Variants in PLA2G6 observed in about 807,000 individuals in gnomAD.
The protein encoded by PLA2G6 is 85/88 kDa calcium-independent phospholipase A2.
A neutral mutation model predicts 83.8 loss-of-function variants in PLA2G6; 62 were observed. The observed-to-expected ratio is 0.74, with a 90% confidence interval of 0.60 to 0.91. The LOEUF (loss-of-function observed/expected upper bound fraction) is 0.91. Ranked by LOEUF, PLA2G6 falls within the 40% of genes least tolerant of loss-of-function variation. PLA2G6 has a pLI of 0.00. For synonymous variants in PLA2G6, 417 were observed against 449.8 expected (o/e 0.93, Z 0.92); for missense variants, 944 against 1,102.0 (o/e 0.86, Z 2.03).
chr22:38,121,006 G>T (rs755719764), intron 11 of PLA2G6, 97 bp from the exon 12 acceptor site: 1 of 1,459,804 alleles, frequency 6.9e-7, no homozygotes, highest in Non-Finnish European at 9.4e-7. Flanking sequence ...GAGGTGGCAG[G>T]AGGAAGCGGG....
At chr22:38,134,111 C>T (rs1297572552) in intron 6 of PLA2G6, 1 of 152,184 alleles carries the variant, frequency 6.6e-6, no homozygotes, top group Non-Finnish European at 1.5e-5. Context: ...GGCTTAGCCT[C>T]CCAGCCTACA....
chr22:38,171,325 T>C (rs132998), intron 1 of PLA2G6, among the ~76,000 whole-genome samples: 16,909 of 152,128 alleles, frequency 0.11, 1,105 homozygotes, highest in African/African-American at 0.16. Context: ...AATCCAAGCT[T>C]GGTTCTCGTG....
intron 2 of PLA2G6, chr22:38,145,896 C>T (rs1205762326): frequency 1.7e-5 from 9 of 518,780 alleles, no homozygotes; most frequent in East Asian, 3.6e-5. Flanking sequence ...TTTTTAGAGA[C>T]AAGGTCTTGC....
chr22:38,146,177 A>C, intron 2 of PLA2G6: 3 of 175,486 alleles, frequency 1.7e-5, no homozygotes, highest in South Asian at 1.2e-4. Context: ...CTGGGATTAA[A>C]GGCGTGTGCT....
At position 38,116,228 on chromosome 22, in the gene PLA2G6, CA is replaced by C. The variant is rs1415623664; in HGVS notation, c.1743-18del. On this transcript the variant is annotated intron_variant, in intron 12 of 16. Coordinates refer to ENST00000332509, the MANE Select transcript of PLA2G6 (RefSeq NM_003560.4). ...AGCATCACCCTGGAGAGAAATGAGG[CA>C]GGAGGACGGCTGAGCCACCCGCCCA... 6.2e-7 allele frequency: 1 copy of C among 1,613,796 alleles called. No homozygotes were observed.
Position 38,112,010 on chromosome 22 carries a change from C to A in PLA2G6, c.*151G>T. 2.3e-6 allele frequency: 2 copies of A among 878,646 alleles called. No individual in the cohort carries two copies. The highest frequency in any genetic ancestry group is 3.6e-6 in the Non-Finnish European group (2 of 551,710). 54.4% of individuals were successfully genotyped at this position (878,646 alleles called of 1,614,324 possible). ...TGGGAGACAGGCCTTCAGGACCAGC[C>A]TCGGGCAGGCAGCTTGGCATTCTCC... On this transcript the variant is annotated 3_prime_UTR_variant, in exon 17 of 17. Transcript: ENST00000332509.
intron 5 of PLA2G6, chr22:38,137,240 A>C (rs2088612012): frequency 6.6e-6 from 1 of 152,386 alleles, no homozygotes; most frequent in Non-Finnish European, 1.5e-5. Context: ...AGCACTAGGC[A>C]CATGGAGTCA....
intron 2 of PLA2G6, chr22:38,148,268 G>C (rs948031597): frequency 2.0e-6 from 1 of 489,506 alleles, no homozygotes; most frequent in South Asian, 2.1e-5. Context: ...TTTTGCTGTG[G>C]TGAGGAGCAA....
At position 38,145,483 on chromosome 22, in the gene PLA2G6, A is replaced by C; in HGVS notation, c.380T>G (p.Val127Gly). Residue 127 changes from valine to glycine, a missense_variant, in exon 3 of 17, where the codon GTG becomes GGG. By Grantham distance (109) the Val-to-Gly change is moderately radical. Transcript: ENST00000332509. ...HPSWSVAHLA[V>G]ELGIRECFHH... is the part of the protein sequence containing the mutation. ...GAAGCACTCGCGGATCCCTAGCTCC[A>C]CAGCCAGGTGGGCCACTGACCAGCT... 6.2e-7 allele frequency: 1 copy of C among 1,612,338 alleles called. No homozygotes were observed. The highest frequency in any genetic ancestry group is 8.5e-7 in the Non-Finnish European group (1 of 1,179,556).
At chr22:38,169,610 A>C (rs895903252) in intron 1 of PLA2G6, 139 bp from the exon 2 acceptor site, 5 of 632,732 alleles carry the variant, frequency 7.9e-6, no homozygotes, top group African/African-American at 1.8e-5. Flanking sequence ...AGGGATCTTA[A>C]AAGGAGGGGA....
At chr22:38,168,417 T>C (rs2090304588) in intron 2 of PLA2G6, among the ~76,000 whole-genome samples, 1 of 152,218 alleles carries the variant, frequency 6.6e-6, no homozygotes, top group Non-Finnish European at 1.5e-5. Flanking sequence ...GTTGGCCCGG[T>C]TCCCTCAGGC....
intron 8 of PLA2G6, 126 bp downstream of exon 8, chr22:38,129,328 G>A: frequency 1.4e-6 from 1 of 732,528 alleles, no homozygotes; most frequent in South Asian, 1.5e-5. Flanking sequence ...AGGTGCTCCT[G>A]GCAGCTCTGA....
chr22:38,140,198 C>T (rs374315540), intron 4 of PLA2G6, 29 bp from the exon 5 acceptor site: 74 of 1,605,908 alleles, frequency 4.6e-5, no homozygotes, highest in Non-Finnish European at 6.1e-5. Flanking sequence ...AAGTTTGACT[C>T]CATAGGATGC....
chr22:38,176,033 C>T (rs1360778945), intron 1 of PLA2G6, among the ~76,000 whole-genome samples: 1 of 152,164 alleles, frequency 6.6e-6, no homozygotes, highest in Non-Finnish European at 1.5e-5. Flanking sequence ...CTCCTCTCCA[C>T]AACGGATAGG....
Position 38,128,027 on chromosome 22 carries a change from G to A in PLA2G6, c.1348+242C>T. 3.6e-6 allele frequency: 2 copies of A among 559,660 alleles called. No individual in the cohort carries two copies. Among genetic ancestry groups the A allele is most frequent in the Non-Finnish European group, 6.4e-6 (2 of 312,254 alleles). The allele number at this position is 559,660 out of a possible 1,614,324, so 34.7% of individuals were successfully genotyped here. The stretch of plus-strand genomic sequence containing the variant: ...GGTGCCACTGGAAATGCCCAGGCCT[G>A]AGACTGTGTGCAGGACACATCCTCT... On this transcript the variant is annotated intron_variant, in intron 9 of 16. Coordinates refer to ENST00000332509, the MANE Select transcript of PLA2G6 (RefSeq NM_003560.4). This position sits in a 1 kb window ranked among gnomAD's most constrained non-coding sequence, Gnocchi z 4.4.
intron 2 of PLA2G6, chr22:38,148,113 A>G (rs1464310906): frequency 4.6e-6 from 1 of 219,322 alleles, no homozygotes; most frequent in Non-Finnish European, 9.3e-6. Flanking sequence ...CTGAAAACTC[A>G]TCACTGGAAT....
At chr22:38,120,492 C>CGGCAGGGCAGAGCCG (rs1291131519) in intron 12 of PLA2G6, among the ~76,000 whole-genome samples, 154 of 150,908 alleles carry the variant, frequency 1.0e-3, no homozygotes, top group Non-Finnish European at 1.6e-3. Context: ...AGGGCAGAGC[C>CGGCAGGGCAGAGCCG]GGCAGGGCAG....
At position 38,129,559 on chromosome 22, in the gene PLA2G6, C is replaced by T. The variant is rs2088081770; in HGVS notation, c.1081G>A (p.Asp361Asn). 2.5e-6 allele frequency: 4 copies of T among 1,611,902 alleles called. No homozygotes were observed. Among genetic ancestry groups the T allele is most frequent in the Non-Finnish European group, 3.4e-6 (4 of 1,178,118 alleles). ...AGGGCCTTGATCATCTCCACGTTGT[C>T]TTTCTGTTGGAGATGGAGAGAGGAT... ...NTPLHLAMSKDNVEMIKALIV... is the reference protein window; with the variant it reads ...NTPLHLAMSKNNVEMIKALIV... Residue 361 changes from aspartate (D) to asparagine (N), a missense_variant, in exon 8 of 17, where the codon GAC becomes AAC. Physicochemically the swap from Asp to Asn is conservative, Grantham distance 23 (BLOSUM62 1). Coordinates refer to ENST00000332509, the MANE Select transcript of PLA2G6 (RefSeq NM_003560.4).
chr22:38,121,551 G>A (rs775211548), intron 11 of PLA2G6, among the ~76,000 whole-genome samples: 20 of 152,216 alleles, frequency 1.3e-4, no homozygotes, highest in Non-Finnish European at 2.4e-4. Flanking sequence ...CAAGGGGCCG[G>A]CTGCACCTCC....
Sources: gnomAD v4.1 joint callset for allele counts (sites outside exome capture counted in the v4.1 genomes callset) on GRCh38, gnomAD v4.1.1 for gene constraint, Gnocchi (gnomAD v3.1) non-coding constraint, MANE v1.5 for transcripts, NCBI Gene and HGNC (gene_info 2026-07-23, HGNC 2026-07-21) for gene names.